The following ACTN1 variants were observed in gnomAD, a reference collection of about 807,000 sequenced individuals.
ACTN1 encodes alpha-actinin-1.
ACTN1 carries 30 observed loss-of-function variants against 119.6 expected under a neutral mutation model. The observed-to-expected ratio is 0.25, with a 90% CI of 0.19 to 0.34. The LOEUF (loss-of-function observed/expected upper bound fraction) is 0.34. Ranked by LOEUF, ACTN1 falls within the 10% of genes least tolerant of loss-of-function variation. ACTN1 has a pLI of 1.00. For synonymous variants in ACTN1, 429 were observed against 472.6 expected, an observed-to-expected ratio of 0.91 and a Z score of 1.20; for missense variants, 764 against 1,223.4, an observed-to-expected ratio of 0.62 and a Z score of 5.60.
chr14:68,877,259 C>T lies in ACTN1; in HGVS notation c.2428-19G>A, dbSNP rs1258054416. The T allele has an allele frequency of 6.2e-7, 1 of 1,613,600 alleles. No homozygotes were observed. Among genetic ancestry groups the T allele is most frequent in the Admixed American group, 1.7e-5 (1 of 59,994 alleles). On this transcript the variant is annotated intron_variant, in intron 20 of 21. Coordinates refer to ENST00000394419, the MANE Select transcript of ACTN1 (RefSeq NM_001130004.2). ...CTTCTCCCTGGAGGGAACAGCCAAA[C>T]CCAGGCCTGTCAGCCCATGGCCTGC...
At chr14:68,974,552 T>TCACACACACACACACACACA (rs5809408) in intron 1 of ACTN1, among the ~76,000 whole-genome samples, 1 of 149,704 alleles carries the variant, frequency 6.7e-6, no homozygotes, top group Admixed American at 6.6e-5. Flanking sequence ...TCCTACAACA[T>TCACACACACACACACACACA]CACACACACA....
At chr14:68,947,611 C>T (rs2035984615) in intron 1 of ACTN1, 1 of 152,224 alleles carries the variant, frequency 6.6e-6, no homozygotes, top group African/African-American at 2.4e-5. Context: ...AGGGGCCGAA[C>T]ACAGAATGCA....
chr14:68,910,194 A>AG, intron 4 of ACTN1, 152 bp from the exon 5 acceptor site: 1 of 593,724 alleles, frequency 1.7e-6, no homozygotes, highest in Non-Finnish European at 2.9e-6. Context: ...CCCTTGACAG[A>AG]GTTTGAGAAG....
In ACTN1 at chr14:68,882,595, G is replaced by A. The variant is rs1401423846; in HGVS notation, c.1819-3C>T. On this transcript the variant is annotated splice_polypyrimidine_tract_variant and splice_region_variant and intron_variant, in intron 15 of 21. Coordinates refer to ENST00000394419, the MANE Select transcript of ACTN1 (RefSeq NM_001130004.2). This position sits in a 1 kb window ranked among gnomAD's most constrained non-coding sequence, Gnocchi z 4.5. ...CTCCGAGGCACCAGCTGCCGCACCT[G>A]GGGCAGGAACAACAAGGCGACTTTC... 1.9e-6 allele frequency: 3 copies of A among 1,613,878 alleles called. No individual in the cohort carries two copies. The highest frequency in any genetic ancestry group is 3.3e-5 in the Admixed American group (2 of 60,008).
At chr14:68,924,109 G>A (rs1385659202) in intron 2 of ACTN1, among the ~76,000 whole-genome samples, 1 of 152,206 alleles carries the variant, frequency 6.6e-6, no homozygotes, top group Non-Finnish European at 1.5e-5. Flanking sequence ...TGCCAGGGGA[G>A]GGCCGGGGGG....
chr14:68,918,508 A>C (rs7141817), intron 3 of ACTN1, among the ~76,000 whole-genome samples: 82,608 of 119,826 alleles, frequency 0.69, 23,494 homozygotes, highest in African/African-American at 0.78. Context: ...ATGGCGTCAA[A>C]CTGGGAGGCG....
intron 1 of ACTN1, among the ~76,000 whole-genome samples, chr14:68,954,092 C>T (rs1306045192): frequency 1.3e-5 from 2 of 152,128 alleles, no homozygotes; most frequent in Non-Finnish European, 2.9e-5. Flanking sequence ...TCCTTATTTA[C>T]AGTACGATCA....
chr14:68,893,831 C>A, intron 8 of ACTN1, 84 bp from the exon 9 acceptor site: 1 of 1,302,812 alleles, frequency 7.7e-7, no homozygotes, highest in East Asian at 2.4e-5. Context: ...CAAAGCCCCT[C>A]CCATCCCTGC....
chr14:68,906,082 A>C (rs962804592), intron 6 of ACTN1, among the ~76,000 whole-genome samples: 8 of 151,954 alleles, frequency 5.3e-5, no homozygotes, highest in African/African-American at 1.7e-4. Context: ...GGGGGGCAGG[A>C]AAGAACGGGG....
intron 1 of ACTN1, among the ~76,000 whole-genome samples, chr14:68,940,797 T>C (rs1390484987): frequency 1.3e-5 from 2 of 152,162 alleles, no homozygotes; most frequent in East Asian, 1.9e-4. Context: ...GAAGCTCCTC[T>C]CCAAAGGTCA....
chr14:68,972,302 C>G (rs998281655), intron 1 of ACTN1, among the ~76,000 whole-genome samples: 1 of 152,104 alleles, frequency 6.6e-6, no homozygotes, highest in Non-Finnish European at 1.5e-5. Context: ...ACTCCTCTCA[C>G]TCATCATAAA....
chr14:68,971,879 T>C (rs1001041104), intron 1 of ACTN1, among the ~76,000 whole-genome samples: 2 of 152,180 alleles, frequency 1.3e-5, no homozygotes, highest in Non-Finnish European at 2.9e-5. Context: ...TGGCTGCCTT[T>C]TATTCTCCTC....
chr14:68,943,506 T>C (rs2035832388), intron 1 of ACTN1, among the ~76,000 whole-genome samples: 1 of 152,094 alleles, frequency 6.6e-6, no homozygotes, highest in Non-Finnish European at 1.5e-5. Context: ...AGGGCAGCCC[T>C]GGGGTGCTTT....
At chr14:68,884,384 G>A in intron 13 of ACTN1, 76 bp from the exon 14 acceptor site, 2 of 1,516,826 alleles carry the variant, frequency 1.3e-6, no homozygotes, top group South Asian at 1.3e-5. Flanking sequence ...AGATCCTCCT[G>A]GTGAGCCCCA....
chr14:68,955,004 C>T (rs984799215), intron 1 of ACTN1, among the ~76,000 whole-genome samples: 1 of 152,144 alleles, frequency 6.6e-6, no homozygotes, highest in Non-Finnish European at 1.5e-5. Context: ...ACCTAGTCCA[C>T]TCTGATGCAA....
Position 68,880,163 on chromosome 14 carries a change from C to A in ACTN1, c.2134-55G>T. The A allele has an allele frequency of 6.3e-7, 1 of 1,586,306 alleles. No individual in the cohort carries two copies. Among genetic ancestry groups the A allele is most frequent in the Non-Finnish European group, 8.6e-7 (1 of 1,164,866 alleles). On this transcript the variant is annotated intron_variant, in intron 17 of 21. Transcript: ENST00000394419. This position sits in a 1 kb window ranked among gnomAD's most constrained non-coding sequence, Gnocchi z 4.6. ...AGGGGTCCCAGGCCTGGGCTCCTGG[C>A]GGCCCCTGCCCATCCTACTCCCCAA...
At chr14:68,921,562 G>C (rs2034654443) in intron 2 of ACTN1, among the ~76,000 whole-genome samples, 1 of 152,112 alleles carries the variant, frequency 6.6e-6, no homozygotes, top group African/African-American at 2.4e-5. Flanking sequence ...CTCTTCAAAA[G>C]AGGAGGAGGA....
chr14:68,926,028 T>C (rs2034908369), intron 1 of ACTN1, among the ~76,000 whole-genome samples: 2 of 152,238 alleles, frequency 1.3e-5, no homozygotes, highest in African/African-American at 4.8e-5. Flanking sequence ...TTATAAGACT[T>C]AGTTTCAATC....
chr14:68,932,416 G>A (rs80313475), intron 1 of ACTN1, among the ~76,000 whole-genome samples: 5,723 of 150,878 alleles, frequency 0.038, 209 homozygotes, highest in Non-Finnish European at 0.048. Flanking sequence ...CTCGCCTTGT[G>A]AGTGTGTGAG....
Sources: allele counts gnomAD v4.1 joint callset (sites outside exome capture counted in the v4.1 genomes callset), GRCh38; gene constraint gnomAD v4.1.1; non-coding constraint Gnocchi (gnomAD v3.1); transcripts MANE v1.5; gene names NCBI Gene and HGNC (gene_info 2026-07-23, HGNC 2026-07-21).